ADGRV1: variants seen among roughly 807,000 people sequenced by gnomAD.
The protein encoded by ADGRV1 is adhesion G protein-coupled receptor V1, also known as G-protein coupled receptor 98.
In ADGRV1, 359 loss-of-function variants were observed where a neutral mutation model predicts 596.2. The ratio of observed to expected loss-of-function variants is 0.60; its 90% CI spans 0.55 to 0.66. The LOEUF (loss-of-function observed/expected upper bound fraction) is 0.66, where lower values mean the gene tolerates loss of function less well. ADGRV1 is among the 30% of genes least tolerant of loss of function. The pLI is 0.00. For synonymous variants in ADGRV1, 2,681 were observed against 2,679.2 expected (o/e 1.00, Z -0.02); for missense variants, 7,274 against 7,575.6 (o/e 0.96, Z 1.48).
At chr5:90,988,731 G>T (rs531370616) in intron 85 of ADGRV1, among the ~76,000 whole-genome samples, 22 of 151,762 alleles carry the variant, frequency 1.4e-4, no homozygotes, top group Admixed American at 7.2e-4. Flanking sequence ...ATGTTGGCGT[G>T]CTGCACCCAT....
chr5:91,121,276 T>C (rs531352920), intron 87 of ADGRV1, among the ~76,000 whole-genome samples: 1 of 152,224 alleles, frequency 6.6e-6, no homozygotes, highest in South Asian at 2.1e-4. Context: ...AAATCAAAAG[T>C]AGAGGTGCTA....
At chr5:90,691,113 A>T (rs1309232071) in intron 31 of ADGRV1, 72 bp downstream of exon 31, 1 of 1,564,306 alleles carries the variant, frequency 6.4e-7, no homozygotes, top group Admixed American at 1.7e-5. Flanking sequence ...ACAGATGGCC[A>T]TTGTAACATT....
intron 21 of ADGRV1, among the ~76,000 whole-genome samples, chr5:90,659,095 G>T (rs1048868084): frequency 6.6e-6 from 1 of 152,154 alleles, no homozygotes; most frequent in Non-Finnish European, 1.5e-5. Context: ...CCTCTCTGGA[G>T]TGTCTTTCTT....
chr5:90,685,267 CATATTCTTAA>C (rs1246981177), intron 28 of ADGRV1, among the ~76,000 whole-genome samples: 1 of 152,078 alleles, frequency 6.6e-6, no homozygotes, highest in African/African-American at 2.4e-5. Context: ...TTAAACAATA[CATATTCTTAA>C]ATATTCTTAA....
At chr5:90,643,779 C>A in intron 13 of ADGRV1, 24 bp from the exon 14 acceptor site, 2 of 1,503,942 alleles carry the variant, frequency 1.3e-6, no homozygotes, top group South Asian at 1.4e-5. Flanking sequence ...TTATAATTTC[C>A]ATACTTTGAC....
chr5:90,598,790 A>T (rs1378556220), intron 1 of ADGRV1, among the ~76,000 whole-genome samples: 1 of 152,222 alleles, frequency 6.6e-6, no homozygotes, highest in Non-Finnish European at 1.5e-5. Flanking sequence ...TAATTTGGAA[A>T]ATAACGGAGT....
At chr5:90,725,759 A>G in intron 48 of ADGRV1, 103 bp downstream of exon 48, 1 of 690,524 alleles carries the variant, frequency 1.4e-6, no homozygotes, top group Non-Finnish European at 2.5e-6. Flanking sequence ...TATAAAAGAA[A>G]ACCAAAATTT....
chr5:90,900,415 T>A (rs1425174843), intron 83 of ADGRV1, among the ~76,000 whole-genome samples: 3 of 151,980 alleles, frequency 2.0e-5, no homozygotes, highest in Non-Finnish European at 4.4e-5. Flanking sequence ...AATAAATATC[T>A]ACTTGTACTT....
intron 84 of ADGRV1, among the ~76,000 whole-genome samples, chr5:90,976,322 G>GTATATATA (rs70973719): frequency 5.9e-4 from 64 of 108,608 alleles, no homozygotes; most frequent in East Asian, 1.9e-3. Context: ...GTGTGTGTGT[G>GTATATATA]TATATATATA....
At chr5:91,019,572 G>C (rs1029476435) in intron 85 of ADGRV1, among the ~76,000 whole-genome samples, 1 of 122,098 alleles carries the variant, frequency 8.2e-6, no homozygotes, top group South Asian at 2.7e-4. Flanking sequence ...TAATTTACTT[G>C]GTTATTTCTC....
intron 84 of ADGRV1, among the ~76,000 whole-genome samples, chr5:90,966,020 G>A (rs1267408212): frequency 1.3e-5 from 2 of 152,144 alleles, no homozygotes; most frequent in African/African-American, 4.8e-5. Context: ...AAGGGAAGTG[G>A]ACTGTTTTGG....
intron 19 of ADGRV1, 58 bp downstream of exon 19, chr5:90,652,621 C>T: frequency 9.0e-7 from 1 of 1,106,250 alleles, no homozygotes; most frequent in Non-Finnish European, 1.3e-6. Context: ...CTAAATTTTA[C>T]ATTTTATACT....
chr5:90,850,122 C>G (rs1163181007), intron 79 of ADGRV1, among the ~76,000 whole-genome samples: 3 of 152,174 alleles, frequency 2.0e-5, no homozygotes, highest in African/African-American at 7.2e-5. Flanking sequence ...CTGCTGGACA[C>G]CTGTGGTCAG....
chr5:91,103,285 A>C (rs10037975), intron 87 of ADGRV1, among the ~76,000 whole-genome samples: 99 of 152,132 alleles, frequency 6.5e-4, no homozygotes, highest in African/African-American at 2.3e-3. Context: ...AGTTGCTACA[A>C]GTTTCTATAT....
At chr5:90,689,086 A>C (rs900291551) in intron 29 of ADGRV1, among the ~76,000 whole-genome samples, 1 of 152,186 alleles carries the variant, frequency 6.6e-6, no homozygotes, top group Non-Finnish European at 1.5e-5. Context: ...TCAGAGGAAC[A>C]GGAATGTGAA....
intron 79 of ADGRV1, among the ~76,000 whole-genome samples, chr5:90,851,130 T>TGAGAGAGA (rs1561847389): frequency 2.5e-5 from 2 of 79,750 alleles, no homozygotes; most frequent in Admixed American, 1.9e-4. Context: ...TGTGTGTGTG[T>TGAGAGAGA]GTGTGAGAGA....
chr5:90,818,403 T>C (rs933965805), intron 75 of ADGRV1, among the ~76,000 whole-genome samples: 1 of 150,114 alleles, frequency 6.7e-6, no homozygotes, highest in African/African-American at 2.4e-5. Context: ...GAATACCCTT[T>C]ATTTCCTTCT....
Position 91,060,835 on chromosome 5 carries a change from C to T in ADGRV1, c.18153-11612C>T, listed in dbSNP as rs1280549221. On this transcript the variant is annotated intron_variant, in intron 85 of 89. Coordinates refer to ENST00000405460, the MANE Select transcript of ADGRV1 (RefSeq NM_032119.4). The stretch of plus-strand genomic sequence containing the variant: ...TAAAGCCACATATGGGGCTAATTTC[C>T]AGGTCAGTGTAATGTGGCTACTGTT... 4.0e-5 allele frequency among the ~76,000 whole-genome samples: 6 copies of T among 151,228 alleles called. 1 individual carries two copies. Among genetic ancestry groups the T allele is most frequent in the Admixed American group, 1.3e-4 (2 of 15,204 alleles).
At chr5:91,087,278 A>G (rs1313574764) in intron 86 of ADGRV1, among the ~76,000 whole-genome samples, 1 of 152,052 alleles carries the variant, frequency 6.6e-6, no homozygotes, top group Non-Finnish European at 1.5e-5. Flanking sequence ...GCACAACTAT[A>G]TAATCTTTTT....
Sources: allele counts gnomAD v4.1 joint callset (sites outside exome capture counted in the v4.1 genomes callset), GRCh38; gene constraint gnomAD v4.1.1; transcripts MANE v1.5; gene names NCBI Gene and HGNC (gene_info 2026-07-23, HGNC 2026-07-21).